Variants in SNTG1 observed in about 807,000 individuals in gnomAD.
SNTG1 encodes gamma-1-syntrophin.
A neutral mutation model predicts 74.7 loss-of-function variants in SNTG1; 39 were observed. The ratio of observed to expected loss-of-function variants is 0.52; its 90% CI spans 0.40 to 0.68. The LOEUF (loss-of-function observed/expected upper bound fraction) is 0.68, where lower values mean the gene tolerates loss of function less well. Among genes scored for constraint, SNTG1 ranks in the 30% least tolerant of loss-of-function variants. The pLI is 0.00. For synonymous variants in SNTG1, 254 were observed against 217.1 expected, an observed-to-expected ratio of 1.17 and a Z score of -1.49; for missense variants, 685 against 609.5, an observed-to-expected ratio of 1.12 and a Z score of -1.30.
intron 15 of SNTG1, among the ~76,000 whole-genome samples, chr8:50,682,968 C>G (rs1813267498): frequency 6.6e-6 from 1 of 152,180 alleles, no homozygotes; most frequent in African/African-American, 2.4e-5. Flanking sequence ...AATGGCAATG[C>G]CCCAAAGGAT....
At chr8:50,426,992 G>A (rs982041511) in intron 4 of SNTG1, among the ~76,000 whole-genome samples, 146 of 152,088 alleles carry the variant, frequency 9.6e-4, no homozygotes, top group Non-Finnish European at 8.2e-4. Flanking sequence ...GATGTATGTA[G>A]ATCACATGTA....
chr8:50,562,695 T>C (rs1269374024), intron 12 of SNTG1, among the ~76,000 whole-genome samples: 1 of 152,212 alleles, frequency 6.6e-6, no homozygotes, highest in Non-Finnish European at 1.5e-5. Context: ...CAGTTGCATG[T>C]TTTCACTTAA....
At chr8:50,272,242 A>T (rs1431914926) in intron 2 of SNTG1, among the ~76,000 whole-genome samples, 2 of 152,232 alleles carry the variant, frequency 1.3e-5, no homozygotes, top group Admixed American at 6.5e-5. Context: ...GCTAGTCTGC[A>T]TTGTATTTCC....
At chr8:50,345,106 G>T (rs940515961) in intron 2 of SNTG1, among the ~76,000 whole-genome samples, 2 of 152,234 alleles carry the variant, frequency 1.3e-5, no homozygotes, top group African/African-American at 4.8e-5. Context: ...AATTTCTGTT[G>T]GTTGAGCCAC....
intron 2 of SNTG1, among the ~76,000 whole-genome samples, chr8:50,286,114 T>C (rs1271409178): frequency 3.7e-5 from 4 of 108,564 alleles, no homozygotes; most frequent in Non-Finnish European, 7.4e-5. Context: ...TATATGACCA[T>C]TCTGTTCTGT....
At position 50,145,319 on chromosome 8, in the gene SNTG1, G is replaced by T. The variant is rs568273039; in HGVS notation, c.-102-27242G>T. Among the ~76,000 whole-genome samples, 11 of 152,266 alleles carry T rather than the reference G, an allele frequency of 7.2e-5. No individual in the cohort carries two copies. In the East Asian group the frequency reaches 2.1e-3, roughly 29 times the overall value. ...AAAAATCTATATACAAATATATATAGCTAGATGGAATTATAGACTCAGTTT... is the reference window on the plus strand; with the variant it reads ...AAAAATCTATATACAAATATATATATCTAGATGGAATTATAGACTCAGTTT... On this transcript the variant is annotated intron_variant, in intron 1 of 18. Coordinates refer to ENST00000642720, the MANE Select transcript of SNTG1 (RefSeq NM_018967.5).
intron 13 of SNTG1, among the ~76,000 whole-genome samples, chr8:50,654,438 T>C (rs10958014): frequency 0.21 from 32,175 of 152,072 alleles, 3,769 homozygotes; most frequent in African/African-American, 0.3. Context: ...TAATCTATTA[T>C]CTCAGATATA....
chr8:49,958,341 A>G (rs928327377), intron 1 of SNTG1, among the ~76,000 whole-genome samples: 9 of 152,196 alleles, frequency 5.9e-5, no homozygotes, highest in African/African-American at 2.2e-4. Context: ...AAGGACATCC[A>G]TTATGGAGAG....
At chr8:50,468,348 C>T (rs550966991) in intron 8 of SNTG1, among the ~76,000 whole-genome samples, 1 of 152,096 alleles carries the variant, frequency 6.6e-6, no homozygotes, top group South Asian at 2.1e-4. Context: ...CTTTGAGATT[C>T]TACTGGTTTA....
At chr8:50,113,904 A>C (rs968476862) in intron 1 of SNTG1, among the ~76,000 whole-genome samples, 5 of 149,730 alleles carry the variant, frequency 3.3e-5, no homozygotes, top group Admixed American at 1.3e-4. Flanking sequence ...TAGAACTTAA[A>C]GTATAATAAA....
chr8:50,223,331 T>C (rs2085162580), intron 2 of SNTG1, among the ~76,000 whole-genome samples: 1 of 152,138 alleles, frequency 6.6e-6, no homozygotes, highest in South Asian at 2.1e-4. Flanking sequence ...TAGCTTAGTA[T>C]GCTCATTTTA....
chr8:50,695,216 CA>C (rs919643434), intron 15 of SNTG1, among the ~76,000 whole-genome samples: 1 of 150,514 alleles, frequency 6.6e-6, no homozygotes, highest in African/African-American at 2.4e-5. Context: ...CACACACACA[CA>C]AAAAAAACCG....
chr8:50,513,873 A>T (rs924190664), intron 9 of SNTG1, among the ~76,000 whole-genome samples: 1 of 152,198 alleles, frequency 6.6e-6, no homozygotes, highest in Non-Finnish European at 1.5e-5. Flanking sequence ...TAGGTGAGGC[A>T]ATGCCTCGCC....
intron 8 of SNTG1, among the ~76,000 whole-genome samples, chr8:50,496,729 C>G (rs1055768617): frequency 1.3e-5 from 2 of 151,688 alleles, no homozygotes; most frequent in African/African-American, 4.8e-5. Flanking sequence ...ATTTATCAAC[C>G]CTCTTGCTTG....
At chr8:50,321,150 TA>T (rs2090513650) in intron 2 of SNTG1, among the ~76,000 whole-genome samples, 1 of 152,242 alleles carries the variant, frequency 6.6e-6, no homozygotes, top group East Asian at 1.9e-4. Context: ...ATCCAGCTAT[TA>T]TTGTGTCCAG....
At chr8:50,157,781 C>T (rs929884208) in intron 1 of SNTG1, among the ~76,000 whole-genome samples, 2 of 152,040 alleles carry the variant, frequency 1.3e-5, no homozygotes, top group Non-Finnish European at 1.5e-5. Context: ...TTGTTTACAG[C>T]ACTGAGACCT....
intron 15 of SNTG1, among the ~76,000 whole-genome samples, chr8:50,676,769 A>G (rs1485640433): frequency 6.6e-6 from 1 of 151,922 alleles, no homozygotes; most frequent in Non-Finnish European, 1.5e-5. Flanking sequence ...AATTTATCTT[A>G]TAATTCTCAA....
rs11432600 is a variant in SNTG1, at chr8:49,911,575, G to GA, written c.-749dup. The GA allele has an allele frequency of 0.51, 74,664 of 145,468 alleles. 21,277 individuals carry two copies. Among genetic ancestry groups the GA allele is most frequent in the East Asian group, 0.82 (3,983 of 4,870 alleles). The allele number at this position is 145,468 out of a possible 1,614,324, so 9.0% of individuals were successfully genotyped here. On this transcript the variant is annotated 5_prime_UTR_variant, in exon 1 of 19. Transcript: ENST00000642720. Reference sequence around the variant, plus strand: ...ACAAAAAAAAAAAAGAAAGAAAAAAGAAAAAAAAAAGAACCGGAGGGGAGA... The same window carrying GA: ...ACAAAAAAAAAAAAGAAAGAAAAAAGAAAAAAAAAAAGAACCGGAGGGGAGA...
At chr8:50,242,740 T>C (rs1348910503) in intron 2 of SNTG1, among the ~76,000 whole-genome samples, 1 of 150,062 alleles carries the variant, frequency 6.7e-6, no homozygotes, top group East Asian at 1.9e-4. Flanking sequence ...ATTATTACTA[T>C]AATAATTACT....
Sources: gnomAD v4.1 joint callset for allele counts (sites outside exome capture counted in the v4.1 genomes callset) on GRCh38, gnomAD v4.1.1 for gene constraint, MANE v1.5 for transcripts, NCBI Gene and HGNC (gene_info 2026-07-23, HGNC 2026-07-21) for gene names.